The following TRPC7 variants were observed in gnomAD, a reference collection of about 807,000 sequenced individuals.
TRPC7 encodes the protein short transient receptor potential channel 7.
In TRPC7, 42 loss-of-function variants were observed where a neutral mutation model predicts 90.1. The observed-to-expected ratio is 0.47, with a 90% CI of 0.36 to 0.60. The LOEUF (loss-of-function observed/expected upper bound fraction) is 0.60, where lower values mean the gene tolerates loss of function less well. Ranked by LOEUF, TRPC7 falls within the 20% of genes least tolerant of loss-of-function variation. The pLI is 0.00. For synonymous variants in TRPC7, 451 were observed against 436.3 expected, an observed-to-expected ratio of 1.03 and a Z score of -0.42; for missense variants, 955 against 1,112.3, an observed-to-expected ratio of 0.86 and a Z score of 2.01.
At chr5:136,277,740 G>C (rs1328055742) in intron 3 of TRPC7, among the ~76,000 whole-genome samples, 1 of 152,166 alleles carries the variant, frequency 6.6e-6, no homozygotes, top group Non-Finnish European at 1.5e-5. Context: ...TCAGAAAATT[G>C]GTGTTGTCTT....
chr5:136,270,456 TCTC>T (rs1429112811), intron 4 of TRPC7, among the ~76,000 whole-genome samples: 4 of 152,126 alleles, frequency 2.6e-5, no homozygotes, highest in African/African-American at 7.2e-5. Context: ...CTCAGGGCAT[TCTC>T]CTAAGTGGAA....
chr5:136,362,589 T>G (rs976470411), intron 1 of TRPC7, among the ~76,000 whole-genome samples: 3 of 152,144 alleles, frequency 2.0e-5, no homozygotes, highest in Non-Finnish European at 2.9e-5. Context: ...TCATTCCCAT[T>G]TAACAGATGA....
At chr5:136,251,909 C>A in intron 5 of TRPC7, 27 bp from the exon 6 acceptor site, 1 of 1,596,668 alleles carries the variant, frequency 6.3e-7, no homozygotes, top group Non-Finnish European at 8.6e-7. Context: ...AGGCCAGGCT[C>A]ACTTTTCGTT....
chr5:136,248,602 A>G (rs1200988338), intron 6 of TRPC7, among the ~76,000 whole-genome samples: 2 of 152,198 alleles, frequency 1.3e-5, no homozygotes, highest in Non-Finnish European at 2.9e-5. Flanking sequence ...TAAGGCCCCA[A>G]AGTGGTGACC....
At position 136,365,204 on chromosome 5, in the gene TRPC7, C is replaced by G. The variant is rs1220542167; in HGVS notation, c.2+49G>C. On this transcript the variant is annotated intron_variant, in intron 1 of 11. Transcript: ENST00000513104. The stretch of plus-strand genomic sequence containing the variant: ...TTACATATTTTAGCGAGAACACAAC[C>G]TCTACTGGAAAAAAAAATCAATATG... The G allele has an allele frequency of 2.6e-6, 4 of 1,519,522 alleles. No individual in the cohort carries two copies. In the South Asian group the frequency reaches 3.6e-5, roughly 14 times the overall value. 94.1% of individuals were successfully genotyped at this position (1,519,522 alleles called of 1,614,324 possible).
chr5:136,282,499 A>G (rs924648740), intron 3 of TRPC7, among the ~76,000 whole-genome samples: 4 of 152,226 alleles, frequency 2.6e-5, no homozygotes, highest in Non-Finnish European at 4.4e-5. Context: ...AATTTATATG[A>G]TAATGCTGAT....
In TRPC7 at chr5:136,280,638, T is replaced by G. The variant is rs546883774; in HGVS notation, c.964-5801A>C. Among the ~76,000 whole-genome samples the G allele has an allele frequency of 2.6e-5, 4 of 152,188 alleles. No homozygotes were observed. The South Asian group carries it at 8.3e-4, about 32-fold the overall frequency. On this transcript the variant is annotated intron_variant, in intron 3 of 11. Coordinates refer to ENST00000513104, the MANE Select transcript of TRPC7 (RefSeq NM_020389.3). ...AAGCTAAACCAGGTACTCATCTTCT[T>G]GTGTAGGAAAATATTGAAATATGAG... is the stretch of plus-strand genomic sequence containing the variant.
intron 3 of TRPC7, among the ~76,000 whole-genome samples, chr5:136,299,979 TA>T: frequency 1.3e-5 from 2 of 152,304 alleles, no homozygotes; most frequent in South Asian, 4.1e-4. Context: ...TGCAGTACAG[TA>T]AGAACATAAT....
At chr5:136,223,000 C>T (rs373315382) in intron 10 of TRPC7, among the ~76,000 whole-genome samples, 12 of 152,332 alleles carry the variant, frequency 7.9e-5, no homozygotes, top group South Asian at 2.1e-4. Flanking sequence ...TGACTCAGGA[C>T]GATGCCACAC....
Position 136,257,658 on chromosome 5 carries a change from T to G in TRPC7, c.1346-5776A>C, listed in dbSNP as rs931404795. Among the ~76,000 whole-genome samples the G allele has an allele frequency of 1.2e-4, 19 of 152,292 alleles. 1 individual carries two copies. Among genetic ancestry groups the G allele is most frequent in the Admixed American group, 9.1e-4 (14 of 15,304 alleles). ...TGGTAGGGCAGAACCAGCCCCCTCC[T>G]TTTTTGTTAACAAAGCTATGTCTCA... On this transcript the variant is annotated intron_variant, in intron 5 of 11. Coordinates refer to ENST00000513104, the MANE Select transcript of TRPC7 (RefSeq NM_020389.3).
chr5:136,272,377 T>TC (rs1757236856), intron 4 of TRPC7, among the ~76,000 whole-genome samples: 2 of 152,208 alleles, frequency 1.3e-5, no homozygotes. Context: ...TCTCTGTAAT[T>TC]CCCAGTAATA....
At chr5:136,251,075 G>T (rs983263221) in intron 6 of TRPC7, among the ~76,000 whole-genome samples, 8 of 152,160 alleles carry the variant, frequency 5.3e-5, no homozygotes, top group African/African-American at 1.4e-4. Flanking sequence ...GCACATAGTA[G>T]GTTCTCAATA....
At chr5:136,240,445 C>G (rs1048255279) in intron 7 of TRPC7, among the ~76,000 whole-genome samples, 5 of 152,156 alleles carry the variant, frequency 3.3e-5, no homozygotes, top group African/African-American at 1.2e-4. Context: ...AGTAGTTGCT[C>G]CATACATGTT....
At chr5:136,295,983 T>A (rs55635821) in intron 3 of TRPC7, among the ~76,000 whole-genome samples, 18,330 of 152,150 alleles carry the variant, frequency 0.12, 1,142 homozygotes, top group African/African-American at 0.14. Context: ...GAAGTGAAGC[T>A]ACTTACAGTC....
Position 136,279,191 on chromosome 5 carries a change from C to A in TRPC7, c.964-4354G>T, listed in dbSNP as rs563756368. On this transcript the variant is annotated intron_variant, in intron 3 of 11. Transcript: ENST00000513104. ...ATACTCTCTGCCACCTCTCTTTAAA[C>A]AAACCTCCAGTTTTCTAGACCAAGA... is the stretch of plus-strand genomic sequence containing the variant. 2.6e-4 allele frequency among the ~76,000 whole-genome samples: 40 copies of A among 152,302 alleles called. 1 individual carries two copies. In the East Asian group the frequency reaches 7.5e-3, roughly 29 times the overall value.
At position 136,328,508 on chromosome 5, in the gene TRPC7, G is replaced by T. The variant is rs77232564; in HGVS notation, c.781-12729C>A. On this transcript the variant is annotated intron_variant, in intron 2 of 11. Transcript: ENST00000513104. ...TCACAGGCCTGATCAGTTTTTGCATGAGAAGGATGACTGGGTGGTCAGTAT... is the reference window on the plus strand; with the variant it reads ...TCACAGGCCTGATCAGTTTTTGCATTAGAAGGATGACTGGGTGGTCAGTAT... 3.3e-4 allele frequency among the ~76,000 whole-genome samples: 51 copies of T among 152,322 alleles called. 1 individual carries two copies. In the East Asian group the frequency reaches 8.1e-3, roughly 24 times the overall value.
intron 5 of TRPC7, among the ~76,000 whole-genome samples, chr5:136,264,179 A>G (rs748796266): frequency 1.3e-5 from 2 of 152,158 alleles, no homozygotes; most frequent in Non-Finnish European, 2.9e-5. Context: ...CACATCCCTT[A>G]TATTGGAATA....
intron 8 of TRPC7, among the ~76,000 whole-genome samples, chr5:136,227,522 T>A (rs1467849733): frequency 6.6e-6 from 1 of 152,010 alleles, no homozygotes; most frequent in Non-Finnish European, 1.5e-5. Context: ...AGGGTTATAA[T>A]CAGCAGGGTT....
At chr5:136,284,884 C>G (rs551031604) in intron 3 of TRPC7, among the ~76,000 whole-genome samples, 1 of 152,262 alleles carries the variant, frequency 6.6e-6, no homozygotes, top group Admixed American at 6.5e-5. Flanking sequence ...CTTGCCTCTG[C>G]CTGTGACTGT....
Sources: gnomAD v4.1 joint callset for allele counts (sites outside exome capture counted in the v4.1 genomes callset) on GRCh38, gnomAD v4.1.1 for gene constraint, MANE v1.5 for transcripts, NCBI Gene and HGNC (gene_info 2026-07-23, HGNC 2026-07-21) for gene names.